The following CXCL13 variants were observed in gnomAD, a reference collection of about 807,000 sequenced individuals.
The protein encoded by CXCL13 is C-X-C motif chemokine 13.
CXCL13 carries 7 observed loss-of-function variants against 12.2 expected under a neutral mutation model. The ratio of observed to expected loss-of-function variants is 0.57; its 90% CI spans 0.33 to 1.07. The LOEUF (loss-of-function observed/expected upper bound fraction) is 1.07. Among genes scored for constraint, CXCL13 ranks in the 50% least tolerant of loss-of-function variants. CXCL13 has a pLI of 0.04. For missense variants in CXCL13, 113 were observed against 127.4 expected (o/e 0.89, Z 0.55); for synonymous variants, 47 against 42.4 (o/e 1.11, Z -0.42).
chr4:77,559,840 T>C (rs1725762535), intron 1 of CXCL13, among the ~76,000 whole-genome samples: 1 of 146,274 alleles, frequency 6.8e-6, no homozygotes, highest in East Asian at 2.0e-4. Flanking sequence ...GAGACTGGCG[T>C]GAACCTGGGA....
At chr4:77,559,119 A>G (rs1323722906) in intron 1 of CXCL13, among the ~76,000 whole-genome samples, 3 of 152,192 alleles carry the variant, frequency 2.0e-5, no homozygotes, top group Non-Finnish European at 4.4e-5. Context: ...CTGGGATTGT[A>G]TGTCCTCTGC....
chr4:77,586,791 T>C (rs987793298), intron 1 of CXCL13, among the ~76,000 whole-genome samples: 1 of 152,148 alleles, frequency 6.6e-6, no homozygotes, highest in African/African-American at 2.4e-5. Context: ...CACTTCGGGG[T>C]ACAATTTTGA....
chr4:77,585,827 T>C (rs947252360), intron 1 of CXCL13, among the ~76,000 whole-genome samples: 13 of 152,296 alleles, frequency 8.5e-5, no homozygotes, highest in South Asian at 2.1e-4. Flanking sequence ...TCTGCTTCCA[T>C]AGGGCACGCG....
intron 1 of CXCL13, among the ~76,000 whole-genome samples, chr4:77,536,198 G>A (rs1172120197): frequency 6.6e-6 from 1 of 152,100 alleles, no homozygotes; most frequent in African/African-American, 2.4e-5. Flanking sequence ...CAGATATCCA[G>A]TGTAGTTTAC....
At chr4:77,514,841 T>C (rs1393618291) in intron 1 of CXCL13, among the ~76,000 whole-genome samples, 4 of 152,210 alleles carry the variant, frequency 2.6e-5, no homozygotes, top group Non-Finnish European at 4.4e-5. Context: ...TTGGCTTTTG[T>C]TGCCATTGCT....
At chr4:77,512,631 G>T (rs1426342280) in intron 1 of CXCL13, among the ~76,000 whole-genome samples, 2 of 152,012 alleles carry the variant, frequency 1.3e-5, no homozygotes, top group East Asian at 1.9e-4. Flanking sequence ...CCATCCTGAT[G>T]ATCTCATTTT....
intron 1 of CXCL13, among the ~76,000 whole-genome samples, chr4:77,589,736 T>C (rs1037513046): frequency 3.9e-5 from 6 of 152,174 alleles, no homozygotes; most frequent in Admixed American, 1.3e-4. Context: ...TTGTTAAGTG[T>C]TTGAGAGATA....
At chr4:77,581,339 A>G (rs1726329580) in intron 1 of CXCL13, among the ~76,000 whole-genome samples, 1 of 152,268 alleles carries the variant, frequency 6.6e-6, no homozygotes, top group South Asian at 2.1e-4. Context: ...GTGGTTGCCA[A>G]TTGACTGAAT....
At chr4:77,552,794 C>T (rs1725566049) in intron 1 of CXCL13, among the ~76,000 whole-genome samples, 1 of 152,238 alleles carries the variant, frequency 6.6e-6, no homozygotes, top group African/African-American at 2.4e-5. Context: ...AGAGTGCATG[C>T]TGCAGGTGCC....
chr4:77,516,545 T>G (rs1320196269), intron 1 of CXCL13, among the ~76,000 whole-genome samples: 3 of 152,190 alleles, frequency 2.0e-5, no homozygotes, highest in Non-Finnish European at 4.4e-5. Flanking sequence ...GGAGAGTGTA[T>G]GTGTGGAGGA....
chr4:77,512,598 C>A (rs894696944), intron 1 of CXCL13, among the ~76,000 whole-genome samples: 5 of 152,032 alleles, frequency 3.3e-5, no homozygotes, highest in African/African-American at 1.2e-4. Context: ...CTTATAAGGA[C>A]ACCAGTCATA....
At chr4:77,581,906 A>G (rs1245647067) in intron 1 of CXCL13, among the ~76,000 whole-genome samples, 1 of 152,148 alleles carries the variant, frequency 6.6e-6, no homozygotes, top group East Asian at 1.9e-4. Context: ...CTACTCGTTG[A>G]ACTGGTTGCA....
intron 1 of CXCL13, among the ~76,000 whole-genome samples, chr4:77,574,708 G>C (rs1195918120): frequency 6.6e-6 from 1 of 151,926 alleles, no homozygotes; most frequent in Admixed American, 6.5e-5. Flanking sequence ...TTCTTGCAAT[G>C]AAAAATCTGA....
intron 1 of CXCL13, among the ~76,000 whole-genome samples, chr4:77,523,296 A>C (rs1252603128): frequency 3.9e-5 from 6 of 152,158 alleles, no homozygotes; most frequent in Admixed American, 6.5e-5. Flanking sequence ...TAATATCCTG[A>C]AGAGTGTTTT....
intron 1 of CXCL13, among the ~76,000 whole-genome samples, chr4:77,565,127 C>T (rs1416875271): frequency 3.9e-5 from 6 of 152,208 alleles, no homozygotes; most frequent in East Asian, 3.8e-4. Context: ...GGGGCTCAGG[C>T]TCCTGCTTCA....
chr4:77,546,745 T>C (rs1376315111), intron 1 of CXCL13, among the ~76,000 whole-genome samples: 1 of 152,234 alleles, frequency 6.6e-6, no homozygotes, highest in Non-Finnish European at 1.5e-5. Context: ...CTCCTTCAGT[T>C]CTGCTCTGAT....
intron 1 of CXCL13, among the ~76,000 whole-genome samples, chr4:77,532,030 C>T (rs1453875284): frequency 6.6e-6 from 1 of 152,142 alleles, no homozygotes; most frequent in Admixed American, 6.6e-5. Flanking sequence ...TTAATTGGAG[C>T]ATTTAGCCCA....
intron 1 of CXCL13, among the ~76,000 whole-genome samples, chr4:77,531,981 G>T (rs1469943888): frequency 2.0e-5 from 3 of 152,132 alleles, no homozygotes; most frequent in African/African-American, 4.8e-5. Context: ...GCACACTGAC[G>T]CGTCTTGACT....
At chr4:77,604,380 C>T (rs72861973), upstream of CXCL13, among the ~76,000 whole-genome samples, 4,352 of 152,226 alleles carry the variant, frequency 0.029, 186 homozygotes, top group African/African-American at 0.094. Flanking sequence ...TTCTGAATAA[C>T]CTTCTTTTAC....
Sources: gnomAD v4.1 joint callset for allele counts (sites outside exome capture counted in the v4.1 genomes callset) on GRCh38, gnomAD v4.1.1 for gene constraint, MANE v1.5 for transcripts, NCBI Gene and HGNC (gene_info 2026-07-23, HGNC 2026-07-21) for gene names.